The following TBXAS1 variants were observed in gnomAD, a reference collection of about 807,000 sequenced individuals.
TBXAS1 encodes the protein thromboxane A synthase 1.
Under a neutral mutation model 60.7 loss-of-function variants are expected in TBXAS1, and 48 were observed. That is an observed-to-expected ratio of 0.79 (90% confidence interval 0.63 to 1.01). TBXAS1 has a LOEUF of 1.01. Ranked by LOEUF, TBXAS1 falls within the 50% of genes least tolerant of loss-of-function variation. The probability of loss-of-function intolerance (pLI) is 0.00; values close to 1 mark genes in which losing one functional copy is unlikely to be tolerated. For missense variants in TBXAS1, 685 were observed against 686.3 expected (o/e 1.00, Z 0.02); for synonymous variants, 287 against 269.7 (o/e 1.06, Z -0.63).
chr7:140,010,274 T>C lies in TBXAS1; in HGVS notation c.1226+3092T>C, dbSNP rs115216330. On this transcript the variant is annotated intron_variant, in intron 10 of 12. Coordinates refer to ENST00000448866, the MANE Select transcript of TBXAS1 (RefSeq NM_001061.7). ...GGGGTGAATGTAGGGAGAGTGAGCA[T>C]TTTTATTTTATTATTTTATTTCATC... is the stretch of plus-strand genomic sequence containing the variant. 6.4e-3 allele frequency among the ~76,000 whole-genome samples: 971 copies of C among 152,228 alleles called. 18 individuals carry two copies. The highest frequency in any genetic ancestry group is 0.022 in the African/African-American group (922 of 41,534).
intron 4 of TBXAS1, among the ~76,000 whole-genome samples, chr7:139,814,133 G>A (rs900040099): frequency 2.0e-5 from 3 of 152,132 alleles, no homozygotes; most frequent in Non-Finnish European, 2.9e-5. Flanking sequence ...AAGAAGTAGC[G>A]TTTGAGCCAC....
chr7:139,803,815 G>A (rs1420810639), intron 4 of TBXAS1, among the ~76,000 whole-genome samples: 1 of 152,198 alleles, frequency 6.6e-6, no homozygotes, highest in African/African-American at 2.4e-5. Flanking sequence ...GCCTGCAGGT[G>A]CAAAAAAGTC....
chr7:139,896,066 A>G lies in TBXAS1; in HGVS notation c.237-15159A>G, dbSNP rs908607485. On this transcript the variant is annotated intron_variant, in intron 3 of 12. Coordinates refer to ENST00000448866, the MANE Select transcript of TBXAS1 (RefSeq NM_001061.7). The surrounding 1 kb of genome is among the most constrained non-coding windows in gnomAD (Gnocchi z 4.0). ...GAGTAATAGGGAAGCCAAGAGGATAAAATGATTTCCCAGTCCTGGAAAGGC... is the reference window on the plus strand; with the variant it reads ...GAGTAATAGGGAAGCCAAGAGGATAGAATGATTTCCCAGTCCTGGAAAGGC... Among the ~76,000 whole-genome samples, 6 of 152,204 alleles carry G rather than the reference A, an allele frequency of 3.9e-5. No individual in the cohort carries two copies. Among genetic ancestry groups the G allele is most frequent in the Admixed American group, 3.9e-4 (6 of 15,280 alleles).
Position 139,975,750 on chromosome 7 carries a change from C to G in TBXAS1, c.1134+13517C>G, listed in dbSNP as rs1372022438. Among the ~76,000 whole-genome samples, 6 of 152,218 alleles carry G rather than the reference C, an allele frequency of 3.9e-5. No homozygotes were observed. The highest frequency in any genetic ancestry group is 3.9e-4 in the Admixed American group (6 of 15,286). On this transcript the variant is annotated intron_variant, in intron 9 of 12. Transcript: ENST00000448866. This position sits in a 1 kb window ranked among gnomAD's most constrained non-coding sequence, Gnocchi z 4.4. ...CTGGGTTTGTTGGAGCTTTTTCTCC[C>G]TCTTGCCATGTCCTTTTCACGGTCC...
chr7:139,940,776 G>A (rs1808225336), intron 5 of TBXAS1, among the ~76,000 whole-genome samples: 1 of 152,032 alleles, frequency 6.6e-6, no homozygotes, highest in Admixed American at 6.6e-5. Context: ...ATGGTTAACT[G>A]CACACACTAG....
At chr7:139,915,104 T>C (rs1569513071) in intron 4 of TBXAS1, among the ~76,000 whole-genome samples, 1 of 152,240 alleles carries the variant, frequency 6.6e-6, no homozygotes, top group African/African-American at 2.4e-5. Context: ...CATCCACTTA[T>C]GTGTAGCTTT....
intron 1 of TBXAS1, among the ~76,000 whole-genome samples, chr7:139,779,739 A>G (rs1796920024): frequency 6.6e-6 from 1 of 152,138 alleles, no homozygotes; most frequent in Non-Finnish European, 1.5e-5. Context: ...CTAAGGACTC[A>G]ACCTCTGCAG....
intron 1 of TBXAS1, among the ~76,000 whole-genome samples, chr7:139,832,979 T>A (rs1269539092): frequency 6.6e-6 from 1 of 151,404 alleles, no homozygotes; most frequent in Non-Finnish European, 1.5e-5. Context: ...TTGAAACAAA[T>A]CCTGGAAACA....
intron 5 of TBXAS1, among the ~76,000 whole-genome samples, chr7:139,944,815 T>C (rs1420588264): frequency 6.6e-6 from 1 of 152,204 alleles, no homozygotes; most frequent in Admixed American, 6.5e-5. Context: ...AAAGACCCTC[T>C]CCTTCCCTCT....
At position 139,951,905 on chromosome 7, in the gene TBXAS1, A is replaced by AAG. The variant is rs1220477469; in HGVS notation, c.451-1459_451-1458dup. Among the ~76,000 whole-genome samples the AAG allele has an allele frequency of 2.5e-4, 9 of 35,636 alleles. 2 individuals are homozygous for AAG. The highest frequency in any genetic ancestry group is 1.0e-3 in the African/African-American group (8 of 7,978). The allele number at this position is 35,636 out of a possible 152,430, so 23.4% of individuals were successfully genotyped here. ...AAAGAAGGAAGGAAGGAAGGAAAGA[A>AAG]AGAGAAAGAAAGAGAGAAAGAAAGA... On this transcript the variant is annotated intron_variant, in intron 5 of 12. Transcript: ENST00000448866.
intron 9 of TBXAS1, among the ~76,000 whole-genome samples, chr7:139,992,951 AC>A (rs1362194669): frequency 6.6e-6 from 1 of 152,196 alleles, no homozygotes; most frequent in Non-Finnish European, 1.5e-5. Context: ...TGGGTGGATT[AC>A]CTGAGATCAG....
At chr7:139,817,453 C>T (rs368378530) in intron 4 of TBXAS1, among the ~76,000 whole-genome samples, 2 of 152,302 alleles carry the variant, frequency 1.3e-5, no homozygotes, top group South Asian at 4.1e-4. Flanking sequence ...TCAACCTTAT[C>T]TCTCACCATC....
chr7:139,924,872 T>C (rs758517639), intron 4 of TBXAS1, among the ~76,000 whole-genome samples: 1 of 152,214 alleles, frequency 6.6e-6, no homozygotes, highest in Non-Finnish European at 1.5e-5. Context: ...TCATTCTTCA[T>C]ATGGATATCC....
intron 4 of TBXAS1, among the ~76,000 whole-genome samples, chr7:139,922,076 G>A (rs1308775290): frequency 6.6e-6 from 1 of 151,078 alleles, no homozygotes; most frequent in Non-Finnish European, 1.5e-5. Flanking sequence ...TGGTGACCAT[G>A]TCATTGAGAA....
At chr7:139,787,758 C>T (rs1181750583) in intron 4 of TBXAS1, among the ~76,000 whole-genome samples, 1 of 152,304 alleles carries the variant, frequency 6.6e-6, no homozygotes, top group South Asian at 2.1e-4. Context: ...CCCCATTTTC[C>T]CTTACCTGGT....
At chr7:139,821,574 G>T (rs986864916) in intron 4 of TBXAS1, among the ~76,000 whole-genome samples, 3 of 152,206 alleles carry the variant, frequency 2.0e-5, no homozygotes, top group South Asian at 2.1e-4. Context: ...GAAGCAGAGC[G>T]ATAGCTCTGC....
intron 8 of TBXAS1, among the ~76,000 whole-genome samples, chr7:139,960,424 C>T (rs1295644933): frequency 6.6e-6 from 1 of 152,038 alleles, no homozygotes; most frequent in African/African-American, 2.4e-5. Flanking sequence ...GGGGTCCTGC[C>T]CTGGAGTTGC....
intron 2 of TBXAS1, among the ~76,000 whole-genome samples, chr7:139,782,194 A>T (rs912503789): frequency 1.4e-5 from 2 of 143,826 alleles, no homozygotes; most frequent in Non-Finnish European, 3.0e-5. Flanking sequence ...TCAATCATTT[A>T]AAAAAATCAC....
chr7:139,993,804 C>G (rs543555382), intron 9 of TBXAS1, among the ~76,000 whole-genome samples: 1 of 152,288 alleles, frequency 6.6e-6, no homozygotes, highest in African/African-American at 2.4e-5. Context: ...GTCACTTCAC[C>G]TCTCTGGGCT....
Sources: gnomAD v4.1 joint callset for allele counts (sites outside exome capture counted in the v4.1 genomes callset) on GRCh38, gnomAD v4.1.1 for gene constraint, Gnocchi (gnomAD v3.1) non-coding constraint, MANE v1.5 for transcripts, NCBI Gene and HGNC (gene_info 2026-07-23, HGNC 2026-07-21) for gene names.